The following TBCK variants were observed in gnomAD, a reference collection of about 807,000 sequenced individuals.
TBCK encodes TBC1 domain containing kinase.
A neutral mutation model predicts 113.4 loss-of-function variants in TBCK; 99 were observed. The observed-to-expected ratio is 0.87, with a 90% CI of 0.74 to 1.03. The LOEUF is 1.03. TBCK is among the 50% of genes least tolerant of loss of function. The pLI is 0.00. For synonymous variants in TBCK, 369 were observed against 370.8 expected, an observed-to-expected ratio of 1.00 and a Z score of 0.05; for missense variants, 1,045 against 1,061.3, an observed-to-expected ratio of 0.98 and a Z score of 0.21.
At chr4:106,151,498 A>G (rs1748481351) in intron 23 of TBCK, among the ~76,000 whole-genome samples, 1 of 152,012 alleles carries the variant, frequency 6.6e-6, no homozygotes, top group African/African-American at 2.4e-5. Context: ...TTTATTGAAA[A>G]TAATGTCCTC....
chr4:106,147,424 C>T (rs62321373), intron 23 of TBCK, among the ~76,000 whole-genome samples: 11,720 of 152,176 alleles, frequency 0.077, 512 homozygotes, highest in Middle Eastern at 0.18. Flanking sequence ...ATTATTGTTG[C>T]GGGAAGTCAG....
intron 23 of TBCK, among the ~76,000 whole-genome samples, chr4:106,147,260 T>C (rs1251755192): frequency 2.0e-5 from 3 of 152,232 alleles, no homozygotes; most frequent in African/African-American, 7.2e-5. Flanking sequence ...GCATCTAGAA[T>C]GGTGGATCCT....
At chr4:106,215,923 GCACCA>G (rs1179006652) in intron 19 of TBCK, among the ~76,000 whole-genome samples, 3 of 149,852 alleles carry the variant, frequency 2.0e-5, no homozygotes, top group Non-Finnish European at 4.4e-5. Context: ...ATTTTTTTCA[GCACCA>G]CACCACACCT....
intron 22 of TBCK, among the ~76,000 whole-genome samples, chr4:106,189,269 T>C (rs907889591): frequency 1.4e-5 from 2 of 147,952 alleles, no homozygotes; most frequent in African/African-American, 5.0e-5. Flanking sequence ...AAGGTGTACT[T>C]AGAAACAGAC....
intron 23 of TBCK, among the ~76,000 whole-genome samples, chr4:106,130,442 C>T (rs1483735561): frequency 1.3e-5 from 2 of 151,978 alleles, no homozygotes; most frequent in Non-Finnish European, 2.9e-5. Flanking sequence ...AAAGAAATCC[C>T]ATTCACCAAT....
chr4:106,244,540 A>AC lies in TBCK; in HGVS notation c.1070+85dup. 2.7e-6 allele frequency: 3 copies of AC among 1,099,778 alleles called. No homozygotes were observed. In the South Asian group the frequency reaches 8.5e-5, roughly 31 times the overall value. The allele number at this position is 1,099,778 out of a possible 1,614,324, so 68.1% of individuals were successfully genotyped here. A position where few individuals can be genotyped will look rare whatever the true frequency, so the allele number is the denominator to read the frequency against. ...AAAACAACCAATTTAAAAAAAAAAA[A>AC]CACCGATTTTCTTTTTTATTATTAC... On this transcript the variant is annotated intron_variant, in intron 11 of 25. Coordinates refer to ENST00000394708, the MANE Select transcript of TBCK (RefSeq NM_001163435.3).
Position 106,193,636 on chromosome 4 carries a change from A to C in TBCK, c.2032T>G (p.Cys678Gly). The C allele has an allele frequency of 6.2e-7, 1 of 1,613,370 alleles. No individual in the cohort carries two copies. The highest frequency in any genetic ancestry group is 8.5e-7 in the Non-Finnish European group (1 of 1,179,572). The change falls in exon 22 of 26, where the codon TGT (cysteine) becomes GGT (glycine). Residue 678 changes from cysteine (C) to glycine (G), a missense_variant. Transcript: ENST00000394708. Reference protein sequence around the residue: ...DRLLANGFNECILLFSDLPEI... With the variant: ...DRLLANGFNEGILLFSDLPEI... The stretch of plus-strand genomic sequence containing the variant: ...GGTAAATCGGAGAAGAGAAGAATAC[A>C]CTCATTAAAGCCATTAGCCAAAAGC...
At chr4:106,294,997 A>G in intron 3 of TBCK, 97 bp downstream of exon 3, 1 of 910,152 alleles carries the variant, frequency 1.1e-6, no homozygotes, top group Non-Finnish European at 1.6e-6. Context: ...TCATTAAACA[A>G]GTAACAAAAG....
chr4:106,158,198 G>A (rs1749344438), intron 23 of TBCK, among the ~76,000 whole-genome samples: 2 of 152,244 alleles, frequency 1.3e-5, no homozygotes, highest in Admixed American at 1.3e-4. Context: ...TATGGTAGCT[G>A]AAGTCTGAAA....
chr4:106,309,887 G>A (rs985078637), intron 1 of TBCK: 2 of 152,120 alleles, frequency 1.3e-5, no homozygotes, highest in African/African-American at 4.8e-5. Context: ...AGAGATAGTT[G>A]TTCCATGTGT....
At chr4:106,312,059 C>A (rs1253435386) in intron 1 of TBCK, among the ~76,000 whole-genome samples, 1 of 152,028 alleles carries the variant, frequency 6.6e-6, no homozygotes, top group Admixed American at 6.6e-5. Context: ...CCACAAAAGA[C>A]AATTTTGACA....
chr4:106,259,406 AAC>A (rs1469909215), intron 5 of TBCK, among the ~76,000 whole-genome samples: 2 of 151,894 alleles, frequency 1.3e-5, no homozygotes, highest in African/African-American at 4.8e-5. Context: ...TACTATCAAA[AAC>A]AGTCACATTA....
At chr4:106,254,034 C>T (rs10033060) in intron 5 of TBCK, among the ~76,000 whole-genome samples, 9,437 of 152,252 alleles carry the variant, frequency 0.062, 352 homozygotes, top group Non-Finnish European at 0.082. Context: ...AAATATAGCA[C>T]CACGTATGTG....
At chr4:106,130,690 T>C (rs1389320453) in intron 23 of TBCK, among the ~76,000 whole-genome samples, 1 of 152,032 alleles carries the variant, frequency 6.6e-6, no homozygotes, top group Non-Finnish European at 1.5e-5. Context: ...TTTTTGTTCT[T>C]CCTGATTTTC....
At chr4:106,111,164 GA>G (rs1742808521) in intron 24 of TBCK, among the ~76,000 whole-genome samples, 1 of 152,094 alleles carries the variant, frequency 6.6e-6, no homozygotes, top group Non-Finnish European at 1.5e-5. Flanking sequence ...TAAAGGGAGA[GA>G]AATTATAAAG....
At chr4:106,089,746 T>C (rs1216873684) in intron 25 of TBCK, among the ~76,000 whole-genome samples, 1 of 152,174 alleles carries the variant, frequency 6.6e-6, no homozygotes, top group Admixed American at 6.5e-5. Flanking sequence ...AGCAGGACAC[T>C]CATTAAATCT....
rs1025038270 is a variant in TBCK at position 106,203,542 on chromosome 4, T to C, written c.1861-8788A>G. On this transcript the variant is annotated intron_variant, in intron 20 of 25. Coordinates refer to ENST00000394708, the MANE Select transcript of TBCK (RefSeq NM_001163435.3). ...TATCTTTTACAGGTCATGATTTCTC[T>C]AAATAAAAAAAGAAACAAATAAAAA... Among the ~76,000 whole-genome samples the C allele has an allele frequency of 9.5e-4, 145 of 151,876 alleles. 1 individual carries two copies. The highest frequency in any genetic ancestry group is 3.4e-3 in the African/African-American group (143 of 41,522).
intron 23 of TBCK, among the ~76,000 whole-genome samples, chr4:106,170,761 A>G (rs1579113986): frequency 6.6e-6 from 1 of 152,102 alleles, no homozygotes; most frequent in East Asian, 1.9e-4. Context: ...TTCCTGCTCT[A>G]TTAACAACTC....
At chr4:106,067,457 TG>T (rs1181157109) in intron 25 of TBCK, among the ~76,000 whole-genome samples, 1 of 152,164 alleles carries the variant, frequency 6.6e-6, no homozygotes, top group Non-Finnish European at 1.5e-5. Context: ...TTTTATGGGT[TG>T]TCTTTTCACT....
Sources: allele counts gnomAD v4.1 joint callset (sites outside exome capture counted in the v4.1 genomes callset), GRCh38; gene constraint gnomAD v4.1.1; transcripts MANE v1.5; gene names NCBI Gene and HGNC (gene_info 2026-07-23, HGNC 2026-07-21).